KIAA1217: variants seen among roughly 807,000 people sequenced by gnomAD.
KIAA1217 encodes KIAA1217.
Under a neutral mutation model 163.9 loss-of-function variants are expected in KIAA1217, and 88 were observed. That is an observed-to-expected ratio of 0.54 (90% CI 0.45 to 0.64). KIAA1217 has a LOEUF of 0.64. Ranked by LOEUF, KIAA1217 falls within the 30% of genes least tolerant of loss-of-function variation. The pLI is 0.00. For synonymous variants in KIAA1217, 903 were observed against 923.1 expected, an observed-to-expected ratio of 0.98 and a Z score of 0.39; for missense variants, 2,372 against 2,475.0, an observed-to-expected ratio of 0.96 and a Z score of 0.88.
chr10:24,421,897 A>T (rs1472721182), intron 3 of KIAA1217, among the ~76,000 whole-genome samples: 1 of 152,180 alleles, frequency 6.6e-6, no homozygotes, highest in Non-Finnish European at 1.5e-5. Flanking sequence ...TTGGATTTGA[A>T]TGTAAAATCC....
intron 5 of KIAA1217, among the ~76,000 whole-genome samples, chr10:24,454,496 A>G (rs1453648636): frequency 6.6e-6 from 1 of 152,200 alleles, no homozygotes; most frequent in South Asian, 2.1e-4. Flanking sequence ...GAAAAACACA[A>G]ACAACAATAA....
At chr10:23,824,305 G>A (rs11013734) in intron 1 of KIAA1217, among the ~76,000 whole-genome samples, 1 of 151,110 alleles carries the variant, frequency 6.6e-6, no homozygotes, top group Non-Finnish European at 1.5e-5. Flanking sequence ...AAAAAGAGGA[G>A]GGACATTGTA....
chr10:24,483,279 G>T (rs188763118), intron 6 of KIAA1217, among the ~76,000 whole-genome samples: 1 of 152,208 alleles, frequency 6.6e-6, no homozygotes, highest in East Asian at 1.9e-4. Context: ...TGACCTCACA[G>T]CCACCCACTG....
At chr10:24,328,113 G>A (rs1188759787) in intron 2 of KIAA1217, among the ~76,000 whole-genome samples, 1 of 152,152 alleles carries the variant, frequency 6.6e-6, no homozygotes, top group African/African-American at 2.4e-5. Flanking sequence ...TTACCTAACA[G>A]GAAGCCAATC....
intron 2 of KIAA1217, among the ~76,000 whole-genome samples, chr10:24,268,603 T>C (rs1330712853): frequency 8.7e-6 from 1 of 115,134 alleles, no homozygotes; most frequent in African/African-American, 3.7e-5. Flanking sequence ...ACTTTTACAC[T>C]GTTGGTGGGA....
At chr10:24,043,806 A>T (rs551854227) in intron 2 of KIAA1217, among the ~76,000 whole-genome samples, 2 of 152,226 alleles carry the variant, frequency 1.3e-5, no homozygotes, top group South Asian at 4.1e-4. Context: ...TATTCCAAAG[A>T]TTTATTCAAA....
chr10:24,139,601 G>A (rs1034420670), intron 2 of KIAA1217, among the ~76,000 whole-genome samples: 1 of 152,008 alleles, frequency 6.6e-6, no homozygotes, highest in Non-Finnish European at 1.5e-5. Context: ...AATATACTGG[G>A]CCTTCCACGA....
chr10:24,029,270 C>T lies in KIAA1217; in HGVS notation c.-171+21896C>T, dbSNP rs74123605. Among the ~76,000 whole-genome samples the T allele has an allele frequency of 2.0e-5, 3 of 152,042 alleles. No individual in the cohort carries two copies. In the South Asian group the frequency reaches 6.2e-4, roughly 32 times the overall value. On this transcript the variant is annotated intron_variant, in intron 2 of 18. Transcript: ENST00000376462. The stretch of plus-strand genomic sequence containing the variant: ...TCTGAAAGGAGGAGGAACATCAAAC[C>T]TTTCTTTACAATGGACACTGCTCTA...
chr10:24,323,076 A>G (rs2044381260), intron 2 of KIAA1217, among the ~76,000 whole-genome samples: 1 of 151,902 alleles, frequency 6.6e-6, no homozygotes, highest in Non-Finnish European at 1.5e-5. Flanking sequence ...CAGCCTCCTG[A>G]GTAGCTGGGA....
chr10:24,383,200 G>A (rs770214197), intron 3 of KIAA1217, among the ~76,000 whole-genome samples: 23 of 152,232 alleles, frequency 1.5e-4, no homozygotes, highest in Non-Finnish European at 2.8e-4. Context: ...GCAAGGAATG[G>A]GATTTCTCCT....
At chr10:23,834,819 C>T (rs1051988802) in intron 1 of KIAA1217, among the ~76,000 whole-genome samples, 3 of 152,050 alleles carry the variant, frequency 2.0e-5, no homozygotes, top group African/African-American at 4.8e-5. Context: ...ATGGTGAGGA[C>T]TGTAGGAGGA....
chr10:23,812,146 G>A (rs1176178504), intron 1 of KIAA1217, among the ~76,000 whole-genome samples: 1 of 152,140 alleles, frequency 6.6e-6, no homozygotes, highest in Non-Finnish European at 1.5e-5. Context: ...CCAGCTGGAT[G>A]TTTCCATAAG....
intron 2 of KIAA1217, among the ~76,000 whole-genome samples, chr10:24,053,868 C>T (rs1181358690): frequency 1.3e-5 from 2 of 151,928 alleles, no homozygotes; most frequent in African/African-American, 4.8e-5. Flanking sequence ...ATGAGTTCAC[C>T]AGGTAGAATG....
At chr10:24,451,596 G>A (rs1414244330) in intron 5 of KIAA1217, among the ~76,000 whole-genome samples, 2 of 152,204 alleles carry the variant, frequency 1.3e-5, no homozygotes, top group Non-Finnish European at 2.9e-5. Context: ...TAAAATCCAG[G>A]ATTGGCTACA....
intron 1 of KIAA1217, among the ~76,000 whole-genome samples, chr10:23,768,084 C>A (rs1020393565): frequency 1.3e-5 from 2 of 152,230 alleles, no homozygotes; most frequent in African/African-American, 4.8e-5. Context: ...GAGTCCCATT[C>A]TGTCTCCAGT....
chr10:24,106,675 G>A (rs552929191), intron 2 of KIAA1217, among the ~76,000 whole-genome samples: 1 of 152,124 alleles, frequency 6.6e-6, no homozygotes, highest in Non-Finnish European at 1.5e-5. Flanking sequence ...GAGTATCCCA[G>A]CTTATCCCAC....
chr10:23,882,361 C>T (rs770302037), intron 1 of KIAA1217, among the ~76,000 whole-genome samples: 1 of 151,824 alleles, frequency 6.6e-6, no homozygotes, highest in Non-Finnish European at 1.5e-5. Context: ...CATATCACTA[C>T]CTAGAAGGGA....
At chr10:24,126,552 T>G (rs892094302) in intron 2 of KIAA1217, among the ~76,000 whole-genome samples, 3 of 152,158 alleles carry the variant, frequency 2.0e-5, no homozygotes, top group Non-Finnish European at 2.9e-5. Context: ...TTTGGGATTA[T>G]GAGCTCATCT....
At chr10:24,544,760 G>A (rs939750313) in intron 19 of KIAA1217, among the ~76,000 whole-genome samples, 3 of 152,156 alleles carry the variant, frequency 2.0e-5, no homozygotes, top group Non-Finnish European at 4.4e-5. Flanking sequence ...CTGTTGAAAT[G>A]GTTGCTCTGA....
Sources: gnomAD v4.1 joint callset for allele counts (sites outside exome capture counted in the v4.1 genomes callset) on GRCh38, gnomAD v4.1.1 for gene constraint, MANE v1.5 for transcripts, NCBI Gene and HGNC (gene_info 2026-07-23, HGNC 2026-07-21) for gene names.